Variants in ZNF804B observed in about 807,000 individuals in gnomAD.
ZNF804B encodes the protein zinc finger 804B.
ZNF804B carries 80 observed loss-of-function variants against 101.4 expected under a neutral mutation model. The ratio of observed to expected loss-of-function variants is 0.79; its 90% CI spans 0.66 to 0.95. The LOEUF (loss-of-function observed/expected upper bound fraction) is 0.95. Among genes scored for constraint, ZNF804B ranks in the 40% least tolerant of loss-of-function variants. The pLI, the probability that ZNF804B is intolerant of heterozygous loss-of-function variation, is 0.00. For missense variants in ZNF804B, 1,673 were observed against 1,561.9 expected, an observed-to-expected ratio of 1.07 and a Z score of -1.20; for synonymous variants, 622 against 558.8, an observed-to-expected ratio of 1.11 and a Z score of -1.59.
intron 2 of ZNF804B, among the ~76,000 whole-genome samples, chr7:89,275,936 T>C (rs1308151689): frequency 2.6e-5 from 4 of 151,496 alleles, no homozygotes; most frequent in East Asian, 1.9e-4. Context: ...CCATCAGTGA[T>C]AGACTAGATA....
At chr7:89,123,163 T>G (rs1289747310) in intron 1 of ZNF804B, among the ~76,000 whole-genome samples, 1 of 151,984 alleles carries the variant, frequency 6.6e-6, no homozygotes, top group Non-Finnish European at 1.5e-5. Flanking sequence ...TCAGCTTTTT[T>G]TTTTTTTTAA....
At chr7:89,116,432 C>G (rs1289949298) in intron 1 of ZNF804B, among the ~76,000 whole-genome samples, 1 of 152,094 alleles carries the variant, frequency 6.6e-6, no homozygotes. Context: ...GAGTGGGTCT[C>G]CATTTCTATA....
chr7:89,074,449 G>T (rs927406262), intron 1 of ZNF804B, among the ~76,000 whole-genome samples: 1 of 152,148 alleles, frequency 6.6e-6, no homozygotes, highest in Non-Finnish European at 1.5e-5. Context: ...TATGAGATCT[G>T]ATGGTCTTAA....
intron 1 of ZNF804B, among the ~76,000 whole-genome samples, chr7:88,821,969 G>T (rs1049038225): frequency 2.0e-5 from 3 of 152,118 alleles, no homozygotes; most frequent in African/African-American, 7.2e-5. Context: ...TTCTGTTATT[G>T]TAATGAAATT....
chr7:89,181,071 G>A (rs751488793), intron 1 of ZNF804B, among the ~76,000 whole-genome samples: 1 of 151,540 alleles, frequency 6.6e-6, no homozygotes, highest in Non-Finnish European at 1.5e-5. Flanking sequence ...AAGTTGAAAG[G>A]TAATGTCCTC....
At chr7:88,772,188 T>A (rs1790080958) in intron 1 of ZNF804B, among the ~76,000 whole-genome samples, 1 of 152,172 alleles carries the variant, frequency 6.6e-6, no homozygotes, top group Admixed American at 6.6e-5. Context: ...GTTTAGGAAG[T>A]GTGTATAATA....
At chr7:88,950,483 A>AACAG (rs141084863) in intron 1 of ZNF804B, among the ~76,000 whole-genome samples, 113,299 of 151,100 alleles carry the variant, frequency 0.75, 42,655 homozygotes, top group South Asian at 0.84. Context: ...AATTCATGAA[A>AACAG]ACAGATTATT....
intron 1 of ZNF804B, among the ~76,000 whole-genome samples, chr7:89,199,616 T>C (rs910475241): frequency 1.3e-5 from 2 of 151,906 alleles, no homozygotes; most frequent in Admixed American, 1.3e-4. Context: ...CCCACACCCA[T>C]GAGAAACCGA....
intron 2 of ZNF804B, among the ~76,000 whole-genome samples, chr7:89,313,462 TG>T (rs1243781373): frequency 6.6e-6 from 1 of 152,224 alleles, no homozygotes; most frequent in East Asian, 1.9e-4. Context: ...AAGTGGTTAC[TG>T]GAATAGACAG....
intron 1 of ZNF804B, among the ~76,000 whole-genome samples, chr7:89,033,993 G>A (rs1788883621): frequency 6.6e-6 from 1 of 151,834 alleles, no homozygotes; most frequent in African/African-American, 2.4e-5. Flanking sequence ...TTTTAAACAC[G>A]AAGAAAACAT....
intron 1 of ZNF804B, among the ~76,000 whole-genome samples, chr7:89,077,198 T>C (rs1262882136): frequency 6.6e-6 from 1 of 152,204 alleles, no homozygotes; most frequent in South Asian, 2.1e-4. Flanking sequence ...AAGCAGGTTC[T>C]TGGGATCATC....
At chr7:88,958,228 A>G (rs947985045) in intron 1 of ZNF804B, among the ~76,000 whole-genome samples, 4 of 151,420 alleles carry the variant, frequency 2.6e-5, no homozygotes, top group Non-Finnish European at 5.9e-5. Context: ...GTATGTTTTT[A>G]TTTCTCTCAT....
intron 1 of ZNF804B, 99 bp from the exon 2 acceptor site, chr7:89,218,056 G>A (rs113374664): frequency 5.4e-5 from 66 of 1,225,600 alleles, no homozygotes; most frequent in African/African-American, 2.6e-4. Context: ...AATGTGCTCC[G>A]TCATATTTCT....
At chr7:89,066,203 A>G (rs1480556315) in intron 1 of ZNF804B, among the ~76,000 whole-genome samples, 3 of 151,946 alleles carry the variant, frequency 2.0e-5, no homozygotes, top group Non-Finnish European at 4.4e-5. Context: ...CATGGGACAT[A>G]TTGATCACAG....
At chr7:89,322,119 AT>A (rs1343725184) in intron 2 of ZNF804B, among the ~76,000 whole-genome samples, 1 of 152,226 alleles carries the variant, frequency 6.6e-6, no homozygotes, top group East Asian at 1.9e-4. Flanking sequence ...TAAGTGCAGA[AT>A]TTTATATCTT....
chr7:89,030,535 G>C (rs560060219), intron 1 of ZNF804B, among the ~76,000 whole-genome samples: 2 of 152,238 alleles, frequency 1.3e-5, no homozygotes, highest in South Asian at 4.1e-4. Flanking sequence ...CCATTCTGCT[G>C]TTATGTGTTG....
chr7:89,008,537 A>G (rs1034638335), intron 1 of ZNF804B, among the ~76,000 whole-genome samples: 1 of 152,160 alleles, frequency 6.6e-6, no homozygotes, highest in Non-Finnish European at 1.5e-5. Context: ...CCTGATGCTT[A>G]TAACATTCCC....
chr7:88,998,376 T>G (rs1788229897), intron 1 of ZNF804B, among the ~76,000 whole-genome samples: 1 of 152,014 alleles, frequency 6.6e-6, no homozygotes, highest in African/African-American at 2.4e-5. Context: ...CAGTCCTGAA[T>G]GTGCATAAAT....
At chr7:89,279,667 T>G (rs1790049399) in intron 2 of ZNF804B, among the ~76,000 whole-genome samples, 1 of 152,216 alleles carries the variant, frequency 6.6e-6, no homozygotes, top group Admixed American at 6.5e-5. Flanking sequence ...TTGATTTTCA[T>G]ATGTTGAACC....
Sources: gnomAD v4.1 joint callset for allele counts (sites outside exome capture counted in the v4.1 genomes callset) on GRCh38, gnomAD v4.1.1 for gene constraint, MANE v1.5 for transcripts, NCBI Gene and HGNC (gene_info 2026-07-23, HGNC 2026-07-21) for gene names.